NR3C2: variants seen among roughly 807,000 people sequenced by gnomAD.
NR3C2 encodes the protein mineralocorticoid receptor.
A neutral mutation model predicts 86.4 loss-of-function variants in NR3C2; 15 were observed. The observed-to-expected ratio is 0.17, with a 90% confidence interval of 0.12 to 0.27. The LOEUF is 0.27. Among genes scored for constraint, NR3C2 ranks in the 10% least tolerant of loss-of-function variants. The pLI is 1.00. For synonymous variants in NR3C2, 458 were observed against 450.5 expected, an observed-to-expected ratio of 1.02 and a Z score of -0.21; for missense variants, 960 against 1,195.6, an observed-to-expected ratio of 0.80 and a Z score of 2.91.
chr4:148,204,218 T>C (rs1214685615), intron 3 of NR3C2, among the ~76,000 whole-genome samples: 3 of 152,216 alleles, frequency 2.0e-5, no homozygotes, highest in Non-Finnish European at 2.9e-5. Flanking sequence ...GAAACACTTA[T>C]TATGGTGCGC....
At chr4:148,214,707 C>A (rs1366007440) in intron 3 of NR3C2, among the ~76,000 whole-genome samples, 1 of 152,204 alleles carries the variant, frequency 6.6e-6, no homozygotes, top group Non-Finnish European at 1.5e-5. Flanking sequence ...AAGGAAAGAG[C>A]AGCTGCTACA....
intron 3 of NR3C2, among the ~76,000 whole-genome samples, chr4:148,227,740 C>T (rs1002169642): frequency 6.6e-6 from 1 of 152,158 alleles, no homozygotes; most frequent in South Asian, 2.1e-4. Context: ...TATTCACCCT[C>T]ATTTATTTAT....
chr4:148,428,528 C>A (rs1309717338), intron 2 of NR3C2, among the ~76,000 whole-genome samples: 1 of 152,114 alleles, frequency 6.6e-6, no homozygotes, highest in Non-Finnish European at 1.5e-5. Flanking sequence ...AGAGTAGATG[C>A]CAGTAACTTA....
chr4:148,322,113 T>A (rs1272716407), intron 2 of NR3C2, among the ~76,000 whole-genome samples: 2 of 151,002 alleles, frequency 1.3e-5, no homozygotes, highest in Non-Finnish European at 3.0e-5. Flanking sequence ...GTCTGTAAAG[T>A]ATTTTATTTC....
At chr4:148,430,285 G>A (rs1449901471) in intron 2 of NR3C2, among the ~76,000 whole-genome samples, 1 of 152,084 alleles carries the variant, frequency 6.6e-6, no homozygotes, top group Non-Finnish European at 1.5e-5. Context: ...AAAGTATGAT[G>A]TAAATAATAA....
intron 2 of NR3C2, among the ~76,000 whole-genome samples, chr4:148,266,922 C>G (rs770893955): frequency 6.6e-6 from 1 of 152,160 alleles, no homozygotes; most frequent in African/African-American, 2.4e-5. Context: ...GATGGCGACA[C>G]TATTAACTGA....
intron 3 of NR3C2, among the ~76,000 whole-genome samples, chr4:148,217,300 T>A (rs1299927755): frequency 6.6e-6 from 1 of 152,332 alleles, no homozygotes; most frequent in Non-Finnish European, 1.5e-5. Flanking sequence ...GAAGGCAATC[T>A]GTCCAGAGAA....
chr4:148,392,525 G>A (rs1274867064), intron 2 of NR3C2, among the ~76,000 whole-genome samples: 4 of 152,054 alleles, frequency 2.6e-5, no homozygotes, highest in African/African-American at 9.7e-5. Context: ...TTCTTCCACG[G>A]CACTTGCACT....
At chr4:148,439,062 C>A (rs1458126241) in intron 1 of NR3C2, among the ~76,000 whole-genome samples, 1 of 152,010 alleles carries the variant, frequency 6.6e-6, no homozygotes, top group African/African-American at 2.4e-5. Context: ...GTAATTCCAG[C>A]CAAAATGTTT....
At chr4:148,381,856 C>A (rs1747008708) in intron 2 of NR3C2, among the ~76,000 whole-genome samples, 1 of 152,146 alleles carries the variant, frequency 6.6e-6, no homozygotes, top group African/African-American at 2.4e-5. Context: ...TCTGGTCTAA[C>A]CACCCCAATA....
chr4:148,265,402 T>A (rs563849512), intron 2 of NR3C2, among the ~76,000 whole-genome samples: 181 of 152,256 alleles, frequency 1.2e-3, no homozygotes, highest in African/African-American at 4.1e-3. Context: ...AAAAAAATGA[T>A]TTTTTACAAA....
intron 2 of NR3C2, among the ~76,000 whole-genome samples, chr4:148,328,348 A>G (rs1579165247): frequency 6.6e-6 from 1 of 152,208 alleles, no homozygotes; most frequent in East Asian, 1.9e-4. Flanking sequence ...CATGTGACAC[A>G]AGACAGATCT....
At chr4:148,267,529 A>T (rs574722348) in intron 2 of NR3C2, among the ~76,000 whole-genome samples, 3 of 152,288 alleles carry the variant, frequency 2.0e-5, no homozygotes, top group African/African-American at 7.2e-5. Flanking sequence ...AATGGTAAGC[A>T]GAAGAAAGGG....
At chr4:148,090,561 A>C (rs1463211841) in intron 8 of NR3C2, among the ~76,000 whole-genome samples, 1 of 152,214 alleles carries the variant, frequency 6.6e-6, no homozygotes, top group Non-Finnish European at 1.5e-5. Flanking sequence ...CACATCTGTG[A>C]ACCTGCTAAC....
At chr4:148,182,626 G>A (rs546936688) in intron 4 of NR3C2, among the ~76,000 whole-genome samples, 4 of 152,236 alleles carry the variant, frequency 2.6e-5, no homozygotes, top group East Asian at 3.9e-4. Flanking sequence ...ATCACATACC[G>A]TGCCAAACCT....
intron 2 of NR3C2, among the ~76,000 whole-genome samples, chr4:148,326,018 T>C (rs1434695376): frequency 3.9e-5 from 6 of 152,160 alleles, no homozygotes; most frequent in Admixed American, 3.9e-4. Context: ...GCTAACTTAT[T>C]ATTCAATTTT....
At chr4:148,198,100 T>C (rs1413078001) in intron 3 of NR3C2, among the ~76,000 whole-genome samples, 1 of 151,972 alleles carries the variant, frequency 6.6e-6, no homozygotes, top group East Asian at 1.9e-4. Context: ...GAAAGACTTA[T>C]AGGAAGACCA....
chr4:148,400,995 G>A (rs953549583), intron 2 of NR3C2, among the ~76,000 whole-genome samples: 5 of 152,136 alleles, frequency 3.3e-5, no homozygotes, highest in Admixed American at 1.3e-4. Context: ...TGCCTACCAA[G>A]TATTATTTAC....
intron 8 of NR3C2, among the ~76,000 whole-genome samples, chr4:148,104,238 A>G (rs374104563): frequency 5.3e-5 from 8 of 152,106 alleles, no homozygotes; most frequent in African/African-American, 1.9e-4. Flanking sequence ...GCAATGAGTA[A>G]GATCTCCCAT....
Sources: gnomAD v4.1 joint callset for allele counts (sites outside exome capture counted in the v4.1 genomes callset) on GRCh38, gnomAD v4.1.1 for gene constraint, MANE v1.5 for transcripts, NCBI Gene and HGNC (gene_info 2026-07-23, HGNC 2026-07-21) for gene names.